Variants in COL4A4 observed in about 807,000 individuals in gnomAD.
COL4A4 encodes collagen alpha-4(IV) chain.
A neutral mutation model predicts 192.9 loss-of-function variants in COL4A4; 105 were observed. The observed-to-expected ratio is 0.54, with a 90% confidence interval of 0.46 to 0.64. The LOEUF (loss-of-function observed/expected upper bound fraction) is 0.64, where lower values mean the gene tolerates loss of function less well. COL4A4 is among the 30% of genes least tolerant of loss of function. The pLI is 0.00. For synonymous variants in COL4A4, 762 were observed against 769.9 expected (o/e 0.99, Z 0.17); for missense variants, 1,967 against 2,169.3 (o/e 0.91, Z 1.85).
chr2:226,970,161 C>T, the COL4A4 span, among the ~76,000 whole-genome samples: 2 of 151,930 alleles, frequency 1.3e-5, no homozygotes, highest in African/African-American at 2.4e-5. Context: ...TATACTTCTG[C>T]ACTGTGCTAT....
chr2:226,967,965 A>G, the COL4A4 span, among the ~76,000 whole-genome samples: 1 of 152,208 alleles, frequency 6.6e-6, no homozygotes, highest in Non-Finnish European at 1.5e-5. Flanking sequence ...TTCTAAGGCC[A>G]TGACTCTCTT....
At chr2:227,096,305 C>T (rs533483653) in intron 19 of COL4A4, among the ~76,000 whole-genome samples, 24 of 152,272 alleles carry the variant, frequency 1.6e-4, no homozygotes. Flanking sequence ...CCCAGCCCTT[C>T]CTGAACTCTT....
intron 4 of COL4A4, among the ~76,000 whole-genome samples, chr2:227,136,820 G>A (rs577250851): frequency 5.9e-5 from 9 of 152,280 alleles, no homozygotes; most frequent in Middle Eastern, 3.4e-3. Flanking sequence ...GGAATAGCCC[G>A]CTATGCCACT....
the COL4A4 span, among the ~76,000 whole-genome samples, chr2:226,984,513 C>T: frequency 5.1e-4 from 78 of 152,296 alleles, no homozygotes; most frequent in East Asian, 0.013. Flanking sequence ...AAGGCCCCAC[C>T]TCCACATGCC....
At position 227,067,033 on chromosome 2, in the gene COL4A4, A is replaced by C. The variant is rs1399136225; in HGVS notation, c.1988-4435T>G. Among the ~76,000 whole-genome samples the C allele has an allele frequency of 7.9e-5, 12 of 151,428 alleles. No individual in the cohort carries two copies. The East Asian group carries it at 1.9e-3, about 24-fold the overall frequency. On this transcript the variant is annotated intron_variant, in intron 25 of 47. Coordinates refer to ENST00000396625, the MANE Select transcript of COL4A4 (RefSeq NM_000092.5). ...AAGGATGGAGGAAGATCTACCAAGC[A>C]AATGGAAAACAAAAAAAGGCAGGGA... is the stretch of plus-strand genomic sequence containing the variant.
chr2:227,031,960 G>A lies in COL4A4; in HGVS notation c.3802C>T (p.Pro1268Ser). ...GPPGDQGPPG[P>S]DGPRGAPGPP... Reference sequence around the variant, plus strand: ...TCTCTCATACCTCTTGGGCCATCAGGACCAGGAGGTCCCTGATCTCCAGGT... The same window carrying A: ...TCTCTCATACCTCTTGGGCCATCAGAACCAGGAGGTCCCTGATCTCCAGGT... Residue 1268 changes from proline to serine, a missense_variant, in exon 40 of 48, where the codon CCT becomes TCT. Transcript: ENST00000396625. The A allele has an allele frequency of 6.2e-7, 1 of 1,612,388 alleles. No individual in the cohort carries two copies.
rs764386784 is a variant in COL4A4 at position 227,058,472 on chromosome 2, GT to G, written c.2384-873del. ...TTCACCTGTTACTTTCCAATTAATT[GT>G]TTCTTTCAATATGAATCTTTTTATT... On this transcript the variant is annotated intron_variant, in intron 28 of 47. Transcript: ENST00000396625. 2.0e-5 allele frequency among the ~76,000 whole-genome samples: 3 copies of G among 152,192 alleles called. No individual in the cohort carries two copies. In the South Asian group the frequency reaches 6.2e-4, roughly 32 times the overall value.
the COL4A4 span, among the ~76,000 whole-genome samples, chr2:226,991,268 C>T: frequency 6.6e-6 from 1 of 152,204 alleles, no homozygotes; most frequent in Non-Finnish European, 1.5e-5. Flanking sequence ...GCAATCTCTG[C>T]TTCCTGGGTT....
chr2:227,028,838 G>T (rs1299165971), intron 41 of COL4A4, among the ~76,000 whole-genome samples: 1 of 151,584 alleles, frequency 6.6e-6, no homozygotes, highest in Admixed American at 6.6e-5. Context: ...TAATTTTTTT[G>T]TAGAGATGGG....
At chr2:227,060,388 C>CA in intron 26 of COL4A4, 145 bp from the exon 27 acceptor site, 1 of 607,612 alleles carries the variant, frequency 1.6e-6, no homozygotes, top group Non-Finnish European at 2.8e-6. Flanking sequence ...TCCCGATTTA[C>CA]AAAAATATAT....
At chr2:227,001,897 G>T (rs1961047111), downstream of COL4A4, among the ~76,000 whole-genome samples, 1 of 152,180 alleles carries the variant, frequency 6.6e-6, no homozygotes, top group African/African-American at 2.4e-5. Flanking sequence ...CCAAGGCTGG[G>T]TGCAGTGGCT....
chr2:227,094,479 T>C (rs1034633597), intron 19 of COL4A4, among the ~76,000 whole-genome samples, 190 bp from the exon 20 acceptor site: 8 of 152,156 alleles, frequency 5.3e-5, no homozygotes, highest in African/African-American at 1.9e-4. Flanking sequence ...CTCACTTATA[T>C]GTGGAATCTG....
At chr2:227,026,453 C>T (rs1323254389) in intron 42 of COL4A4, among the ~76,000 whole-genome samples, 1 of 150,714 alleles carries the variant, frequency 6.6e-6, no homozygotes, top group Non-Finnish European at 1.5e-5. Context: ...GAGCCGAGAT[C>T]GCACCACTGC....
intron 44 of COL4A4, 61 bp from the exon 45 acceptor site, chr2:227,012,358 G>C (rs76763554): frequency 2.3e-4 from 306 of 1,339,436 alleles, no homozygotes; most frequent in Middle Eastern, 7.3e-4. Context: ...AGCATTTACC[G>C]TGCTTATACC....
chr2:227,089,824 T>G, intron 21 of COL4A4, 44 bp downstream of exon 21: 1 of 1,474,438 alleles, frequency 6.8e-7, no homozygotes, highest in Non-Finnish European at 9.5e-7. Context: ...CGATCATCCA[T>G]GTACAGTTGT....
At chr2:227,158,132 A>G (rs1417906999) in intron 1 of COL4A4, among the ~76,000 whole-genome samples, 1 of 152,178 alleles carries the variant, frequency 6.6e-6, no homozygotes, top group African/African-American at 2.4e-5. Flanking sequence ...AGTCATAAGA[A>G]TGATGGTAAA....
chr2:227,021,807 AG>A lies in COL4A4; in HGVS notation c.4216+240del, dbSNP rs367942017. On this transcript the variant is annotated intron_variant, in intron 44 of 47. Coordinates refer to ENST00000396625, the MANE Select transcript of COL4A4 (RefSeq NM_000092.5). Reference sequence around the variant, plus strand: ...GCCACTGCACTCCAGCCTGGGCAACAGAGCAAGACTCCATCTCAAAAATAAA... The same window carrying A: ...GCCACTGCACTCCAGCCTGGGCAACAAGCAAGACTCCATCTCAAAAATAAA... Among the ~76,000 whole-genome samples, 22 of 151,688 alleles carry A rather than the reference AG, an allele frequency of 1.5e-4. No individual in the cohort carries two copies. In the East Asian group the frequency reaches 3.5e-3, roughly 24 times the overall value.
chr2:227,026,939 CACATATTTATTTCCCTTAGAA>C (rs1433811436), intron 42 of COL4A4, among the ~76,000 whole-genome samples: 1 of 152,140 alleles, frequency 6.6e-6, no homozygotes, highest in Non-Finnish European at 1.5e-5. Flanking sequence ...CATGAAGGAA[CACATATTTATTTCCCTTAGAA>C]ACAGTCTATG....
intron 45 of COL4A4, among the ~76,000 whole-genome samples, chr2:227,011,091 G>A (rs574100556): frequency 6.6e-6 from 1 of 152,338 alleles, no homozygotes; most frequent in African/African-American, 2.4e-5. Flanking sequence ...TAGCATTCTT[G>A]TTGGCAGATG....
Sources: gnomAD v4.1 joint callset for allele counts (sites outside exome capture counted in the v4.1 genomes callset) on GRCh38, gnomAD v4.1.1 for gene constraint, MANE v1.5 for transcripts, NCBI Gene and HGNC (gene_info 2026-07-23, HGNC 2026-07-21) for gene names.